MLLT10: variants seen among roughly 807,000 people sequenced by gnomAD.
The protein encoded by MLLT10 is protein AF-10.
A neutral mutation model predicts 129.1 loss-of-function variants in MLLT10; 30 were observed. The observed-to-expected ratio is 0.23, with a 90% confidence interval of 0.17 to 0.32. The LOEUF (loss-of-function observed/expected upper bound fraction) is 0.32, where lower values mean the gene tolerates loss of function less well. Ranked by LOEUF, MLLT10 falls within the 10% of genes least tolerant of loss-of-function variation. MLLT10 has a pLI of 1.00. For missense variants in MLLT10, 1,119 were observed against 1,268.3 expected (o/e 0.88, Z 1.79); for synonymous variants, 490 against 446.4 (o/e 1.10, Z -1.23).
rs560491039 is a variant in MLLT10 at position 21,565,673 on chromosome 10, A to C, written c.241-20621A>C. ...CAGGCTGCATTGCAGTGGCACAATC[A>C]TGGTTTACTGCAGCCTGGACCTCCT... On this transcript the variant is annotated intron_variant, in intron 3 of 22. Coordinates refer to ENST00000307729, the MANE Select transcript of MLLT10 (RefSeq NM_001195626.3). Among the ~76,000 whole-genome samples, 4 of 146,934 alleles carry C rather than the reference A, an allele frequency of 2.7e-5. No homozygotes were observed. The East Asian group carries it at 8.1e-4, about 30-fold the overall frequency.
intron 8 of MLLT10, among the ~76,000 whole-genome samples, chr10:21,649,078 T>C (rs1285762218): frequency 6.6e-6 from 1 of 152,114 alleles, no homozygotes; most frequent in Non-Finnish European, 1.5e-5. Context: ...AATATTGTTA[T>C]TTTAGTTTTT....
chr10:21,740,310 C>A, intron 22 of MLLT10, 74 bp downstream of exon 22: 1 of 1,513,180 alleles, frequency 6.6e-7, no homozygotes, highest in Non-Finnish European at 9.0e-7. Context: ...CATTTTCCAG[C>A]CTGGTTTTGT....
chr10:21,717,804 T>TCTTCTC (rs1196036766), intron 14 of MLLT10, among the ~76,000 whole-genome samples: 53 of 127,688 alleles, frequency 4.2e-4, no homozygotes, highest in African/African-American at 1.5e-3. Context: ...TTCTTCTCCT[T>TCTTCTC]CTTCTTCTCC....
chr10:21,658,858 G>T (rs1259663645), intron 9 of MLLT10, among the ~76,000 whole-genome samples: 1 of 152,068 alleles, frequency 6.6e-6, no homozygotes, highest in East Asian at 1.9e-4. Context: ...AGTAGAGATG[G>T]GGTTTCGCCG....
chr10:21,581,395 A>G (rs1589062773), intron 3 of MLLT10, among the ~76,000 whole-genome samples: 2 of 152,328 alleles, frequency 1.3e-5, no homozygotes, highest in Non-Finnish European at 2.9e-5. Flanking sequence ...TAATGGTATG[A>G]AAGATTTTAA....
At chr10:21,692,851 A>G (rs1013715175) in intron 13 of MLLT10, among the ~76,000 whole-genome samples, 2 of 152,200 alleles carry the variant, frequency 1.3e-5, no homozygotes, top group Non-Finnish European at 2.9e-5. Flanking sequence ...TTTTCTAAAA[A>G]TGAATGTGGC....
chr10:21,691,199 C>A (rs952743934), intron 13 of MLLT10, among the ~76,000 whole-genome samples: 5 of 152,046 alleles, frequency 3.3e-5, no homozygotes, highest in Admixed American at 2.0e-4. Flanking sequence ...CACTACTTTG[C>A]AGCTTCCTTT....
rs770107917 is a variant in MLLT10 at position 21,614,917 on chromosome 10, G to A, written c.596G>A (p.Ser199Asn). Residue 199 changes from serine (S) to asparagine (N), a missense_variant, in exon 7 of 23, where the codon AGT becomes AAT. Ser to Asn is a conservative substitution (Grantham distance 46). This residue lies in a region of MLLT10 where 44 missense variants were observed against 114.3 expected (regional missense o/e 0.38). Transcript: ENST00000307729. ...QYCGYCKYHF[S>N]KLKKSKRGSN... ...TGTGGCTACTGTAAATACCATTTTA[G>A]TAAGCTGGTAAGAATTTCTCTTGGA... 4.4e-6 allele frequency: 7 copies of A among 1,601,158 alleles called. No homozygotes were observed. In the South Asian group the frequency reaches 4.5e-5, roughly 10 times the overall value.
chr10:21,709,333 G>A (rs2055850340), intron 13 of MLLT10, among the ~76,000 whole-genome samples: 1 of 151,796 alleles, frequency 6.6e-6, no homozygotes, highest in South Asian at 2.1e-4. Flanking sequence ...CGCCTCTCAA[G>A]TGATTCTCCT....
intron 3 of MLLT10, among the ~76,000 whole-genome samples, chr10:21,579,217 C>A (rs552535753): frequency 2.0e-5 from 3 of 152,288 alleles, no homozygotes; most frequent in African/African-American, 7.2e-5. Flanking sequence ...GATGAGAAAT[C>A]TGCCATTTAT....
chr10:21,668,566 A>T (rs1427446775), intron 9 of MLLT10, among the ~76,000 whole-genome samples: 2 of 152,126 alleles, frequency 1.3e-5, no homozygotes, highest in African/African-American at 4.8e-5. Flanking sequence ...TCTGAAACGT[A>T]GGTTTGGACA....
intron 8 of MLLT10, among the ~76,000 whole-genome samples, chr10:21,619,646 T>C (rs772113168): frequency 2.6e-5 from 4 of 152,236 alleles, no homozygotes; most frequent in Non-Finnish European, 4.4e-5. Context: ...TTCGCATATA[T>C]AAGTTTAATA....
At chr10:21,554,268 T>A (rs1349986375) in intron 3 of MLLT10, among the ~76,000 whole-genome samples, 1 of 152,218 alleles carries the variant, frequency 6.6e-6, no homozygotes, top group Non-Finnish European at 1.5e-5. Flanking sequence ...GTTCTTTAAC[T>A]CTTTTTACTC....
chr10:21,614,040 CCTCATCTCTA>C (rs2044966756), intron 6 of MLLT10, among the ~76,000 whole-genome samples: 1 of 151,650 alleles, frequency 6.6e-6, no homozygotes, highest in South Asian at 2.1e-4. Flanking sequence ...TAGCAAGACA[CCTCATCTCTA>C]CTAAAAATAA....
intron 9 of MLLT10, among the ~76,000 whole-genome samples, chr10:21,658,478 T>C (rs1033518864): frequency 3.9e-5 from 6 of 152,200 alleles, no homozygotes; most frequent in South Asian, 2.1e-4. Flanking sequence ...ATGGATATAC[T>C]ATAATTAGCT....
intron 5 of MLLT10, among the ~76,000 whole-genome samples, chr10:21,610,437 A>G (rs2044487760): frequency 6.6e-6 from 1 of 152,120 alleles, no homozygotes. Flanking sequence ...GCTGGGAGCA[A>G]GTTGTGACTT....
intron 6 of MLLT10, among the ~76,000 whole-genome samples, chr10:21,612,920 G>A (rs1234963375): frequency 6.6e-6 from 1 of 152,080 alleles, no homozygotes; most frequent in Non-Finnish European, 1.5e-5. Context: ...CATGCCGGGT[G>A]CAGTGGCCCA....
intron 8 of MLLT10, among the ~76,000 whole-genome samples, chr10:21,622,600 A>G (rs2045995316): frequency 6.6e-6 from 1 of 152,222 alleles, no homozygotes; most frequent in Non-Finnish European, 1.5e-5. Flanking sequence ...GTGAATTATT[A>G]TTTTTGTAGA....
chr10:21,733,411 G>T, intron 18 of MLLT10, 93 bp from the exon 19 acceptor site: 1 of 789,366 alleles, frequency 1.3e-6, no homozygotes, highest in South Asian at 2.8e-5. Context: ...TTTGATACGG[G>T]CTTCAGCATA....
Sources: gnomAD v4.1 joint callset for allele counts (sites outside exome capture counted in the v4.1 genomes callset) on GRCh38, gnomAD v4.1.1 for gene constraint, gnomAD v4.1.1 regional missense constraint, MANE v1.5 for transcripts, NCBI Gene and HGNC (gene_info 2026-07-23, HGNC 2026-07-21) for gene names.